HSDL2: variants seen among roughly 807,000 people sequenced by gnomAD.
HSDL2 encodes hydroxysteroid dehydrogenase like 2.
In HSDL2, 27 loss-of-function variants were observed where a neutral mutation model predicts 46.3. The observed-to-expected ratio is 0.58, with a 90% confidence interval of 0.43 to 0.80. HSDL2 has a LOEUF of 0.80. Ranked by LOEUF, HSDL2 falls within the 30% of genes least tolerant of loss-of-function variation. The pLI, the probability that HSDL2 is intolerant of heterozygous loss-of-function variation, is 0.00. For synonymous variants in HSDL2, 153 were observed against 163.6 expected (o/e 0.94, Z 0.50); for missense variants, 451 against 502.7 (o/e 0.90, Z 0.98).
At chr9:112,430,895 A>G (rs1394482381) in intron 6 of HSDL2, among the ~76,000 whole-genome samples, 2 of 151,752 alleles carry the variant, frequency 1.3e-5, no homozygotes, top group Non-Finnish European at 2.9e-5. Flanking sequence ...TGTACTAAAA[A>G]CAAAAAATTA....
intron 1 of HSDL2, among the ~76,000 whole-genome samples, chr9:112,388,684 G>T (rs1019588523): frequency 1.3e-5 from 2 of 152,018 alleles, no homozygotes; most frequent in South Asian, 2.1e-4. Context: ...AACCTGGGAG[G>T]TGGAGGTTGC....
In HSDL2 at chr9:112,380,213, C is replaced by G. The variant is rs559376506; in HGVS notation, c.17+33C>G. The G allele has an allele frequency of 8.5e-5, 131 of 1,539,324 alleles. No individual in the cohort carries two copies. In the African/African-American group the frequency reaches 1.7e-3, roughly 20 times the overall value. ...GGTAGGGGCGGCGCGGGGAGAGACCCTGTCGGGCGAAGGGCGCGTCTCGGT... is the reference window on the plus strand; with the variant it reads ...GGTAGGGGCGGCGCGGGGAGAGACCGTGTCGGGCGAAGGGCGCGTCTCGGT... On this transcript the variant is annotated intron_variant, in intron 1 of 10. Transcript: ENST00000398805.
chr9:112,382,753 C>T (rs1439865174), intron 1 of HSDL2, among the ~76,000 whole-genome samples: 3 of 152,134 alleles, frequency 2.0e-5, no homozygotes, highest in Non-Finnish European at 4.4e-5. Context: ...TGAGGTTTTT[C>T]GTTAATCTCT....
intron 1 of HSDL2, among the ~76,000 whole-genome samples, chr9:112,398,376 G>A (rs1459064959): frequency 6.6e-6 from 1 of 152,020 alleles, no homozygotes; most frequent in Non-Finnish European, 1.5e-5. Flanking sequence ...AGGCTGCAAA[G>A]GTTTGAAGAG....
intron 3 of HSDL2, among the ~76,000 whole-genome samples, chr9:112,408,544 CAT>C (rs1831786443): frequency 1.3e-5 from 2 of 152,134 alleles, no homozygotes; most frequent in Admixed American, 1.3e-4. Flanking sequence ...ATCGTATGAA[CAT>C]AGAGTATACT....
intron 6 of HSDL2, among the ~76,000 whole-genome samples, chr9:112,428,016 G>A (rs1222282096): frequency 6.6e-6 from 1 of 152,132 alleles, no homozygotes; most frequent in African/African-American, 2.4e-5. Flanking sequence ...CTGAACTGCC[G>A]CATATAGCTG....
intron 3 of HSDL2, among the ~76,000 whole-genome samples, chr9:112,406,179 A>G (rs58653211): frequency 0.33 from 49,766 of 150,770 alleles, 9,033 homozygotes; most frequent in Admixed American, 0.45. Context: ...AAAAAAAAAA[A>G]AGAAAAAGAG....
rs1355501384 is a variant in HSDL2, at chr9:112,471,960, G to C, written c.*1416G>C. On this transcript the variant is annotated 3_prime_UTR_variant, in exon 11 of 11. Transcript: ENST00000398805. ...GTATTTTACAAGTTAGGAAGCAGAG[G>C]ATCAGAGATGGGAAAGGACTAGCCC... The C allele has an allele frequency of 6.6e-6, 1 of 152,188 alleles. No individual in the cohort carries two copies. Among genetic ancestry groups the C allele is most frequent in the Non-Finnish European group, 1.5e-5 (1 of 68,036 alleles). The allele number at this position is 152,188 out of a possible 1,614,324, so 9.4% of individuals were successfully genotyped here.
At chr9:112,432,028 C>T (rs928343572) in intron 6 of HSDL2, among the ~76,000 whole-genome samples, 9 of 151,978 alleles carry the variant, frequency 5.9e-5, no homozygotes, top group East Asian at 3.9e-4. Context: ...TACAGGCGTG[C>T]GCCACCACAC....
chr9:112,425,549 C>T (rs918904412), intron 6 of HSDL2, among the ~76,000 whole-genome samples: 5 of 152,198 alleles, frequency 3.3e-5, no homozygotes, highest in African/African-American at 1.2e-4. Context: ...AATAGATTTC[C>T]ATAATCTGTT....
intron 1 of HSDL2, among the ~76,000 whole-genome samples, chr9:112,396,519 G>C (rs1198282617): frequency 6.6e-6 from 1 of 152,044 alleles, no homozygotes; most frequent in East Asian, 1.9e-4. Context: ...AATATTAGGT[G>C]GTAAAAGTAA....
At chr9:112,422,227 G>A (rs973718658) in intron 6 of HSDL2, among the ~76,000 whole-genome samples, 6 of 151,952 alleles carry the variant, frequency 3.9e-5, no homozygotes, top group Non-Finnish European at 7.4e-5. Flanking sequence ...ACAAACAAAC[G>A]AACTATATAA....
Position 112,470,805 on chromosome 9 carries a change from A to G in HSDL2, c.*261A>G, listed in dbSNP as rs1833556733. On this transcript the variant is annotated 3_prime_UTR_variant, in exon 11 of 11. Transcript: ENST00000398805. ...TTTAACCCTTTGAGCCTTACATCTC[A>G]TTCACTGTCTTTCTCCAAGAAAAGT... is the stretch of plus-strand genomic sequence containing the variant. The G allele has an allele frequency of 8.9e-6, 2 of 225,526 alleles. No individual in the cohort carries two copies. The highest frequency in any genetic ancestry group is 4.6e-5 in the African/African-American group (2 of 43,790). 14.0% of individuals were successfully genotyped at this position (225,526 alleles called of 1,614,324 possible). A position where few individuals can be genotyped will look rare whatever the true frequency, so the allele number is the denominator to read the frequency against.
At chr9:112,413,498 A>G (rs1482219194) in intron 4 of HSDL2, among the ~76,000 whole-genome samples, 1 of 121,620 alleles carries the variant, frequency 8.2e-6, no homozygotes, top group Non-Finnish European at 1.9e-5. Flanking sequence ...AAAAAAAGAA[A>G]AAAAAGAAAA....
intron 7 of HSDL2, among the ~76,000 whole-genome samples, chr9:112,440,188 T>C (rs935453968): frequency 1.3e-5 from 2 of 152,136 alleles, no homozygotes; most frequent in African/African-American, 4.8e-5. Flanking sequence ...AGTTTTAAAA[T>C]TTTATTTAAA....
intron 6 of HSDL2, among the ~76,000 whole-genome samples, chr9:112,422,654 G>C (rs1587946112): frequency 6.6e-6 from 1 of 152,092 alleles, no homozygotes; most frequent in Non-Finnish European, 1.5e-5. Flanking sequence ...CCCAGAAGGA[G>C]GTCTGGAAAG....
chr9:112,442,748 T>C (rs2132676087), intron 8 of HSDL2, among the ~76,000 whole-genome samples: 1 of 152,218 alleles, frequency 6.6e-6, no homozygotes, highest in Non-Finnish European at 1.5e-5. Flanking sequence ...CTCATCGATT[T>C]TTTTTTTTAG....
At chr9:112,460,990 A>C (rs537769308) in intron 10 of HSDL2, among the ~76,000 whole-genome samples, 3 of 152,304 alleles carry the variant, frequency 2.0e-5, no homozygotes, top group Admixed American at 2.0e-4. Flanking sequence ...TTATAAAAAC[A>C]GGATCATACC....
chr9:112,432,204 C>A (rs1832423914), intron 6 of HSDL2, among the ~76,000 whole-genome samples: 1 of 151,966 alleles, frequency 6.6e-6, no homozygotes, highest in Non-Finnish European at 1.5e-5. Flanking sequence ...TATAGTAATG[C>A]GAGAACAGAC....
Sources: allele counts gnomAD v4.1 joint callset (sites outside exome capture counted in the v4.1 genomes callset), GRCh38; gene constraint gnomAD v4.1.1; transcripts MANE v1.5; gene names NCBI Gene and HGNC (gene_info 2026-07-23, HGNC 2026-07-21).